ZBED1: variants seen among roughly 807,000 people sequenced by gnomAD.
ZBED1 encodes the protein zinc finger BED-type containing 1.
In ZBED1, 19 loss-of-function variants were observed where a neutral mutation model predicts 49.7. That is an observed-to-expected ratio of 0.38 (90% CI 0.27 to 0.56). The LOEUF is 0.56. Ranked by LOEUF, ZBED1 falls within the 20% of genes least tolerant of loss-of-function variation. The pLI is 0.70. For missense variants in ZBED1, 806 were observed against 972.6 expected, an observed-to-expected ratio of 0.83 and a Z score of 2.28; for synonymous variants, 439 against 440.3, an observed-to-expected ratio of 1.00 and a Z score of 0.04.
Position 2,488,691 on chromosome X carries a change from A to T in ZBED1, c.2029T>A (p.Leu677Met), listed in dbSNP as rs1243094247. The change falls in exon 2 of 2, where the codon TTG becomes ATG. Residue 677 changes from leucine (L) to methionine (M), a missense_variant. Coordinates refer to ENST00000652001, the MANE Select transcript of ZBED1 (RefSeq NM_001171136.2). ...WGLDQEQVFS[L>M]GDGVSGGFFG... ...AAACCGCCGCTGACGCCATCCCCCA[A>T]GGAGAACACCTGCTCCTGGTCCAGG... 1.2e-6 allele frequency: 2 copies of T among 1,613,592 alleles called. No individual in the cohort carries two copies. The highest frequency in any genetic ancestry group is 2.7e-5 in the African/African-American group (2 of 75,000).
intron 1 of ZBED1, among the ~76,000 whole-genome samples, chrX:2,493,503 T>C (rs1174918210): frequency 6.6e-6 from 1 of 151,812 alleles, no homozygotes; most frequent in Admixed American, 6.6e-5. Flanking sequence ...CTGAAAGCGG[T>C]TCTGGAACCT....
In ZBED1 at chrX:2,491,203, G is replaced by T. The variant is rs181347944; in HGVS notation, c.-53-431C>A. ...TCCTGCCTCAGCTTCCTCAGTAGCT[G>T]GGATCACAGGCACCTGCCATCACGC... is the stretch of plus-strand genomic sequence containing the variant. On this transcript the variant is annotated intron_variant, in intron 1 of 1. Coordinates refer to ENST00000652001, the MANE Select transcript of ZBED1 (RefSeq NM_001171136.2). Among the ~76,000 whole-genome samples, 936 of 151,826 alleles carry T rather than the reference G, an allele frequency of 6.2e-3. 9 individuals are homozygous for T. The highest frequency in any genetic ancestry group is 9.9e-3 in the Non-Finnish European group (671 of 67,982).
At chrX:2,498,283 C>T (rs1397717161) in intron 1 of ZBED1, among the ~76,000 whole-genome samples, 3 of 152,220 alleles carry the variant, frequency 2.0e-5, no homozygotes, top group Non-Finnish European at 4.4e-5. Flanking sequence ...GAAATTGGCC[C>T]TCTTGGTTAT....
At chrX:2,496,957 C>G (rs2045302043) in intron 1 of ZBED1, among the ~76,000 whole-genome samples, 1 of 150,734 alleles carries the variant, frequency 6.6e-6, no homozygotes, top group Admixed American at 6.6e-5. Flanking sequence ...ATGTAATTGG[C>G]CTGTTACCAT....
At chrX:2,500,770 G>T in intron 1 of ZBED1, 47 bp downstream of exon 1, 1 of 787,488 alleles carries the variant, frequency 1.3e-6, no homozygotes, top group Non-Finnish European at 1.5e-6. Context: ...GCCAGCCCGC[G>T]CCCACCCGGG....
intron 1 of ZBED1, among the ~76,000 whole-genome samples, chrX:2,498,855 T>C (rs1250301622): frequency 3.3e-5 from 5 of 152,178 alleles, no homozygotes; most frequent in Non-Finnish European, 7.3e-5. Flanking sequence ...ACCGTTCACC[T>C]TGCAACTGAT....
At chrX:2,491,066 GT>G (rs900738620) in intron 1 of ZBED1, among the ~76,000 whole-genome samples, 51 of 110,256 alleles carry the variant, frequency 4.6e-4, no homozygotes, top group African/African-American at 9.7e-4. Flanking sequence ...AGTGCCTTTA[GT>G]TTTTTTTTTT....
At chrX:2,493,925 T>C (rs962644638) in intron 1 of ZBED1, among the ~76,000 whole-genome samples, 26 of 152,070 alleles carry the variant, frequency 1.7e-4, no homozygotes, top group Non-Finnish European at 2.9e-4. Flanking sequence ...TGAGCCGAGA[T>C]GGCGCCATTG....
chrX:2,491,987 A>G (rs752972634), intron 1 of ZBED1, among the ~76,000 whole-genome samples: 2 of 152,290 alleles, frequency 1.3e-5, no homozygotes, highest in East Asian at 3.9e-4. Context: ...AAAAGGTGTA[A>G]TTGTGTCTCC....
chrX:2,488,955 T>C lies in ZBED1; in HGVS notation c.1765A>G (p.Lys589Glu), dbSNP rs1401682777. The C allele has an allele frequency of 1.3e-6, 2 of 1,596,950 alleles. No individual in the cohort carries two copies. The highest frequency in any genetic ancestry group is 1.1e-5 in the South Asian group (1 of 88,122). Residue 589 changes from lysine to glutamate, a missense_variant, in exon 2 of 2, where the codon AAG (lysine) becomes GAG (glutamate). Physicochemically the swap from Lys to Glu is moderately conservative, Grantham distance 56. Around this residue, in one of 2 missense-constraint regions of ZBED1, gnomAD observed 749 missense variants for 861.3 expected, o/e 0.87. Coordinates refer to ENST00000652001, the MANE Select transcript of ZBED1 (RefSeq NM_001171136.2). Reference protein sequence around the residue: ...KVLGLNEDPLKWWSDRLALFP... With the variant: ...KVLGLNEDPLEWWSDRLALFP... ...AGGGCCAGGCGGTCTGACCACCACT[T>C]GAGGGGGTCTTCGTTGAGGCCAAGC...
chrX:2,490,703 A>C lies in ZBED1; in HGVS notation c.17T>G (p.Leu6Arg). The change falls in exon 2 of 2, where the codon CTG becomes CGG. Residue 6 changes from leucine to arginine, a missense_variant. Physicochemically the swap from Leu to Arg is moderately radical, Grantham distance 102. Coordinates refer to ENST00000652001, the MANE Select transcript of ZBED1 (RefSeq NM_001171136.2). ...CTTCAGGTCTGTCTGGGAGCTCTCC[A>C]GGCTTTTATTCTCCATTGCTTCTCC... MENKS[L>R]ESSQTDLKLV... The C allele has an allele frequency of 6.2e-7, 1 of 1,613,536 alleles. No homozygotes were observed. Among genetic ancestry groups the C allele is most frequent in the Non-Finnish European group, 8.5e-7 (1 of 1,179,642 alleles).
In ZBED1 at chrX:2,488,694, A is replaced by G; in HGVS notation, c.2026T>C (p.Ser676Pro). 6.2e-7 allele frequency: 1 copy of G among 1,613,714 alleles called. No homozygotes were observed. The highest frequency in any genetic ancestry group is 8.5e-7 in the Non-Finnish European group (1 of 1,179,812). ...CCGCCGCTGACGCCATCCCCCAAGG[A>G]GAACACCTGCTCCTGGTCCAGGCCC... Reference protein sequence around the residue: ...EWGLDQEQVFSLGDGVSGGFF... With the variant: ...EWGLDQEQVFPLGDGVSGGFF... The change falls in exon 2 of 2, where the codon TCC (serine) becomes CCC (proline). Residue 676 changes from serine (S) to proline (P), a missense_variant. By Grantham distance (74) the Ser-to-Pro change is moderately conservative. Transcript: ENST00000652001.
intron 1 of ZBED1, among the ~76,000 whole-genome samples, chrX:2,493,864 C>G (rs34643022): frequency 6.6e-6 from 1 of 151,852 alleles, no homozygotes; most frequent in Non-Finnish European, 1.5e-5. Flanking sequence ...CCCAGCTACT[C>G]GGGAGGCTGA....
chrX:2,495,176 A>T (rs1047369095), intron 1 of ZBED1, among the ~76,000 whole-genome samples: 10 of 151,018 alleles, frequency 6.6e-5, no homozygotes, highest in South Asian at 2.1e-4. Flanking sequence ...AAGTCACAGT[A>T]CCCTGAACAA....
At chrX:2,496,310 T>G (rs759309288) in intron 1 of ZBED1, among the ~76,000 whole-genome samples, 26 of 152,284 alleles carry the variant, frequency 1.7e-4, no homozygotes, top group Admixed American at 1.0e-3. Context: ...ACCATTCTCC[T>G]GCCTCAGCCT....
rs2045116198 is a variant in ZBED1 at position 2,490,779 on chromosome X, A to G, written c.-53-7T>C. ...GCTCATGCGTGGGGACCTGCTGAGA[A>G]GGGCCAAGACAAACACAGCATGAGA... On this transcript the variant is annotated splice_polypyrimidine_tract_variant and splice_region_variant and intron_variant, in intron 1 of 1. Coordinates refer to ENST00000652001, the MANE Select transcript of ZBED1 (RefSeq NM_001171136.2). 2 of 1,569,902 alleles carry G rather than the reference A, an allele frequency of 1.3e-6. No individual in the cohort carries two copies. The highest frequency in any genetic ancestry group is 1.7e-6 in the Non-Finnish European group (2 of 1,158,208).
At chrX:2,493,075 A>G (rs2045196910) in intron 1 of ZBED1, among the ~76,000 whole-genome samples, 1 of 152,194 alleles carries the variant, frequency 6.6e-6, no homozygotes, top group Non-Finnish European at 1.5e-5. Flanking sequence ...CCACTTCCCA[A>G]GACTGGGGTG....
intron 1 of ZBED1, among the ~76,000 whole-genome samples, chrX:2,491,130 C>T (rs968341421): frequency 2.2e-5 from 3 of 138,904 alleles, no homozygotes; most frequent in Admixed American, 1.6e-4. Flanking sequence ...AGTGCAATGG[C>T]GTGATCTCAG....
At position 2,489,866 on chromosome X, in the gene ZBED1, G is replaced by C. The variant is rs2045078583; in HGVS notation, c.854C>G (p.Ala285Gly). 5.6e-6 allele frequency: 9 copies of C among 1,613,682 alleles called. No homozygotes were observed. Among genetic ancestry groups the C allele is most frequent in the Non-Finnish European group, 6.8e-6 (8 of 1,179,894 alleles). ...IVKACSLLDVAVHMPCLGHTF... is the reference protein window; with the variant it reads ...IVKACSLLDVGVHMPCLGHTF... ...GTGGCCCAGGCAGGGCATGTGCACTGCGACGTCCAGCAGGGAGCACGCCTT... is the reference window on the plus strand; with the variant it reads ...GTGGCCCAGGCAGGGCATGTGCACTCCGACGTCCAGCAGGGAGCACGCCTT... The change falls in exon 2 of 2, where the codon GCA (alanine) becomes GGA (glycine). Residue 285 changes from alanine to glycine, a missense_variant. Coordinates refer to ENST00000652001, the MANE Select transcript of ZBED1 (RefSeq NM_001171136.2).
Sources: allele counts gnomAD v4.1 joint callset (sites outside exome capture counted in the v4.1 genomes callset), GRCh38; gene constraint gnomAD v4.1.1; regional missense constraint gnomAD v4.1.1; transcripts MANE v1.5; gene names NCBI Gene and HGNC (gene_info 2026-07-23, HGNC 2026-07-21).